Variants in KCNMA1 observed in about 807,000 individuals in gnomAD.
KCNMA1 encodes potassium calcium-activated channel subfamily M alpha 1.
A neutral mutation model predicts 140.0 loss-of-function variants in KCNMA1; 29 were observed. The ratio of observed to expected loss-of-function variants is 0.21; its 90% confidence interval spans 0.15 to 0.28. The LOEUF (loss-of-function observed/expected upper bound fraction) is 0.28, where lower values mean the gene tolerates loss of function less well. KCNMA1 is among the 10% of genes least tolerant of loss of function. The pLI, the probability that KCNMA1 is intolerant of heterozygous loss-of-function variation, is 1.00. For missense variants in KCNMA1, 880 were observed against 1,602.2 expected, an observed-to-expected ratio of 0.55 and a Z score of 7.70; for synonymous variants, 612 against 611.9, an observed-to-expected ratio of 1.00 and a Z score of 0.00.
intron 1 of KCNMA1, among the ~76,000 whole-genome samples, chr10:77,604,889 C>T (rs1381723677): frequency 6.6e-6 from 1 of 152,194 alleles, no homozygotes; most frequent in Non-Finnish European, 1.5e-5. Context: ...CCACCCTCCC[C>T]CACCCCTTCC....
intron 1 of KCNMA1, among the ~76,000 whole-genome samples, chr10:77,512,477 T>G (rs2048742292): frequency 6.6e-6 from 1 of 152,170 alleles, no homozygotes; most frequent in South Asian, 2.1e-4. Context: ...AAATTAAACT[T>G]TATTGCAGAT....
intron 2 of KCNMA1, among the ~76,000 whole-genome samples, chr10:77,359,464 C>A (rs2093765720): frequency 6.6e-6 from 1 of 152,042 alleles, no homozygotes; most frequent in Non-Finnish European, 1.5e-5. Flanking sequence ...ACAGCCTCAG[C>A]CCAACCAGAG....
chr10:77,024,545 T>C (rs531366081), intron 16 of KCNMA1, among the ~76,000 whole-genome samples: 2 of 152,290 alleles, frequency 1.3e-5, no homozygotes, highest in Admixed American at 6.5e-5. Flanking sequence ...AAAGCTATCC[T>C]GGAACTATTA....
chr10:77,493,245 T>G (rs1275782937), intron 1 of KCNMA1, among the ~76,000 whole-genome samples: 1 of 152,248 alleles, frequency 6.6e-6, no homozygotes, highest in African/African-American at 2.4e-5. Flanking sequence ...AGCCTCTTCT[T>G]CTGACTTCTG....
chr10:77,074,804 C>G (rs2096335540), intron 13 of KCNMA1, among the ~76,000 whole-genome samples: 1 of 152,200 alleles, frequency 6.6e-6, no homozygotes, highest in Middle Eastern at 3.2e-3. Flanking sequence ...GAGGTTGAAT[C>G]AGAGAGCCCT....
At chr10:77,394,451 G>T (rs902722395) in intron 2 of KCNMA1, among the ~76,000 whole-genome samples, 1 of 152,224 alleles carries the variant, frequency 6.6e-6, no homozygotes, top group Non-Finnish European at 1.5e-5. Context: ...CCTCTTGGGG[G>T]TAAGGCTTAG....
At chr10:77,127,123 GTACA>G (rs1479685920) in intron 5 of KCNMA1, among the ~76,000 whole-genome samples, 140 of 142,296 alleles carry the variant, frequency 9.8e-4, no homozygotes, top group African/African-American at 3.2e-3. Flanking sequence ...CACACACAGA[GTACA>G]TATAGTGTTA....
At chr10:77,636,948 C>T in intron 1 of KCNMA1, 1 of 1,416,834 alleles carries the variant, frequency 7.1e-7, no homozygotes, top group Non-Finnish European at 9.1e-7. Context: ...CCACCCCGCA[C>T]CACGGCACCC....
intron 25 of KCNMA1, among the ~76,000 whole-genome samples, chr10:76,906,303 T>C (rs1472310267): frequency 6.6e-6 from 1 of 152,222 alleles, no homozygotes; most frequent in Non-Finnish European, 1.5e-5. Flanking sequence ...ACTGTGTGCA[T>C]CAAGATGGTA....
intron 1 of KCNMA1, among the ~76,000 whole-genome samples, chr10:77,529,788 G>T (rs980725173): frequency 6.6e-6 from 1 of 152,008 alleles, no homozygotes; most frequent in African/African-American, 2.4e-5. Context: ...GAGCCCCCAC[G>T]TGGGCCTTTG....
chr10:77,096,378 A>G (rs61866987), intron 9 of KCNMA1, among the ~76,000 whole-genome samples: 9,060 of 152,188 alleles, frequency 0.06, 381 homozygotes, highest in Non-Finnish European at 0.091. Context: ...TCACACCTCC[A>G]TCATACCTTA....
At chr10:77,414,778 C>A (rs2096702485) in intron 1 of KCNMA1, among the ~76,000 whole-genome samples, 1 of 152,186 alleles carries the variant, frequency 6.6e-6, no homozygotes, top group Non-Finnish European at 1.5e-5. Flanking sequence ...GCGTGAGCCA[C>A]CACGCCTGGC....
rs150847318 is a variant in KCNMA1 at position 77,257,039 on chromosome 10, G to A, written c.541-5783C>T. On this transcript the variant is annotated intron_variant, in intron 2 of 27. Coordinates refer to ENST00000286628, the MANE Select transcript of KCNMA1 (RefSeq NM_001161352.2). The stretch of plus-strand genomic sequence containing the variant: ...CAGGAGGATCGCTTGAGCCTGGGAG[G>A]TGGAAGCTGCAGTTGAGCTGTGATC... Among the ~76,000 whole-genome samples the A allele has an allele frequency of 4.9e-3, 742 of 152,230 alleles. 6 individuals are homozygous for A. Among genetic ancestry groups the A allele is most frequent in the Admixed American group, 0.01 (157 of 15,292 alleles).
At chr10:77,148,093 C>G (rs543677069) in intron 5 of KCNMA1, among the ~76,000 whole-genome samples, 1 of 152,122 alleles carries the variant, frequency 6.6e-6, no homozygotes, top group Non-Finnish European at 1.5e-5. Flanking sequence ...TGTTTGCACC[C>G]AGGCCTCTCT....
At chr10:77,293,618 G>A (rs1235798073) in intron 2 of KCNMA1, among the ~76,000 whole-genome samples, 3 of 152,210 alleles carry the variant, frequency 2.0e-5, no homozygotes, top group South Asian at 2.1e-4. Flanking sequence ...CTGGACCCTG[G>A]GAGTTGCAGA....
At chr10:77,536,704 T>C (rs1200400252) in intron 1 of KCNMA1, among the ~76,000 whole-genome samples, 2 of 152,198 alleles carry the variant, frequency 1.3e-5, no homozygotes, top group Admixed American at 6.5e-5. Flanking sequence ...CACTCTGATA[T>C]GTCTGTCAGC....
chr10:76,901,562 T>A (rs559769188), intron 25 of KCNMA1: 2 of 152,336 alleles, frequency 1.3e-5, no homozygotes, highest in Admixed American at 1.3e-4. Flanking sequence ...TTTTGATCAG[T>A]CACTGACATT....
intron 9 of KCNMA1, among the ~76,000 whole-genome samples, chr10:77,099,304 A>G (rs1168664653): frequency 1.3e-5 from 2 of 152,184 alleles, no homozygotes; most frequent in Non-Finnish European, 2.9e-5. Context: ...TGACCCTCCC[A>G]TAATGACAAC....
chr10:76,925,153 A>G (rs1361544995), intron 23 of KCNMA1, among the ~76,000 whole-genome samples: 4 of 152,238 alleles, frequency 2.6e-5, no homozygotes, highest in African/African-American at 9.6e-5. Context: ...TACTAAATAT[A>G]TACAAATTAC....
Sources: allele counts gnomAD v4.1 joint callset (sites outside exome capture counted in the v4.1 genomes callset), GRCh38; gene constraint gnomAD v4.1.1; transcripts MANE v1.5; gene names NCBI Gene and HGNC (gene_info 2026-07-23, HGNC 2026-07-21).